The following NT5DC3 variants were observed in gnomAD, a reference collection of about 807,000 sequenced individuals.
NT5DC3 encodes 5'-nucleotidase domain-containing protein 3.
A neutral mutation model predicts 67.8 loss-of-function variants in NT5DC3; 42 were observed. That is an observed-to-expected ratio of 0.62 (90% confidence interval 0.48 to 0.80). The LOEUF (loss-of-function observed/expected upper bound fraction) is 0.80. Among genes scored for constraint, NT5DC3 ranks in the 30% least tolerant of loss-of-function variants. The pLI is 0.00. For missense variants in NT5DC3, 570 were observed against 696.4 expected, an observed-to-expected ratio of 0.82 and a Z score of 2.04; for synonymous variants, 237 against 255.6, an observed-to-expected ratio of 0.93 and a Z score of 0.69.
chr12:103,788,144 A>G (rs1034564125), intron 10 of NT5DC3, among the ~76,000 whole-genome samples: 2 of 152,216 alleles, frequency 1.3e-5, no homozygotes, highest in African/African-American at 4.8e-5. Context: ...ACCAAAATAT[A>G]TTAGAACTGT....
At chr12:103,830,287 T>C (rs1482167444) in intron 1 of NT5DC3, among the ~76,000 whole-genome samples, 1 of 152,238 alleles carries the variant, frequency 6.6e-6, no homozygotes, top group African/African-American at 2.4e-5. Flanking sequence ...CCATGGTCTA[T>C]ACTATTAACT....
the NT5DC3 span, chr12:103,763,525 A>G: frequency 6.2e-7 from 1 of 1,614,114 alleles, no homozygotes; most frequent in South Asian, 1.1e-5. Context: ...AGCTCTTGGC[A>G]AGCAGCAGCC....
At chr12:103,831,263 A>T (rs1353541956) in intron 1 of NT5DC3, among the ~76,000 whole-genome samples, 1 of 151,974 alleles carries the variant, frequency 6.6e-6, no homozygotes, top group Non-Finnish European at 1.5e-5. Flanking sequence ...CCCTGCTGGC[A>T]CTCATTCTCT....
In NT5DC3 at chr12:103,787,431, G is replaced by C; in HGVS notation, c.1188+10C>G. 1 of 1,484,770 alleles carries C rather than the reference G, an allele frequency of 6.7e-7. No individual in the cohort carries two copies. The allele number at this position is 1,484,770 out of a possible 1,614,324, so 92.0% of individuals were successfully genotyped here. ...TCTGTCCCCCAACAAAGGAAAAAAG[G>C]GCCCCTCACCGCCAGGTCACTGTAT... On this transcript the variant is annotated intron_variant, in intron 11 of 13. Coordinates refer to ENST00000392876, the MANE Select transcript of NT5DC3 (RefSeq NM_001031701.3).
rs200132175 is a variant in NT5DC3, at chr12:103,832,617, G to A, written c.208+8332C>T. 5.3e-4 allele frequency among the ~76,000 whole-genome samples: 81 copies of A among 152,138 alleles called. No individual in the cohort carries two copies. The East Asian group carries it at 0.013, about 25-fold the overall frequency. On this transcript the variant is annotated intron_variant, in intron 1 of 13. Coordinates refer to ENST00000392876, the MANE Select transcript of NT5DC3 (RefSeq NM_001031701.3). ...TCTAGCTTTCAACTGGTAGATCAGC[G>A]AGCCACCTCCACGGCAATTACAGAA...
chr12:103,753,824 G>A, the NT5DC3 span, among the ~76,000 whole-genome samples: 17 of 152,220 alleles, frequency 1.1e-4, no homozygotes, highest in African/African-American at 3.6e-4. Context: ...ACGAGCCTAG[G>A]GTGGATCTCC....
In NT5DC3 at chr12:103,841,186, G is replaced by T. The variant is rs1021341608; in HGVS notation, c.-30C>A. ...GCTGCCTGCTGCCGCCACCGCCGCC[G>T]CGCCGCTCTGCGACTGCTGCTGCCC... On this transcript the variant is annotated 5_prime_UTR_variant, in exon 1 of 14. Transcript: ENST00000392876. The T allele has an allele frequency of 6.7e-6, 4 of 601,488 alleles. No individual in the cohort carries two copies. In the African/African-American group the frequency reaches 8.0e-5, roughly 12 times the overall value. The allele number at this position is 601,488 out of a possible 1,614,324, so 37.3% of individuals were successfully genotyped here.
chr12:103,747,849 G>A, the NT5DC3 span, among the ~76,000 whole-genome samples: 1 of 152,004 alleles, frequency 6.6e-6, no homozygotes, highest in African/African-American at 2.4e-5. Context: ...ACAAAAATTA[G>A]CCGGGCATGG....
Position 103,772,713 on chromosome 12 carries a change from GCC to G in NT5DC3, c.*5114_*5115del, listed in dbSNP as rs1188929987. 3 of 152,350 alleles carry G rather than the reference GCC, an allele frequency of 2.0e-5. No individual in the cohort carries two copies. The highest frequency in any genetic ancestry group is 4.4e-5 in the Non-Finnish European group (3 of 68,146). 9.4% of individuals were successfully genotyped at this position (152,350 alleles called of 1,614,324 possible). Reference sequence around the variant, plus strand: ...CACAAGGGGCTCTGGAGCTGGGATGGCCCCAGAGGGTTTCCCAAGTTGGGGTG... The same window carrying G: ...CACAAGGGGCTCTGGAGCTGGGATGGCCAGAGGGTTTCCCAAGTTGGGGTG... On this transcript the variant is annotated 3_prime_UTR_variant, in exon 14 of 14. Coordinates refer to ENST00000392876, the MANE Select transcript of NT5DC3 (RefSeq NM_001031701.3).
the NT5DC3 span, among the ~76,000 whole-genome samples, chr12:103,757,427 A>C: frequency 1.3e-5 from 2 of 152,228 alleles, no homozygotes; most frequent in Admixed American, 1.3e-4. Flanking sequence ...TGCTTGAGAT[A>C]TATCAGTGAA....
chr12:103,755,383 G>T, the NT5DC3 span: 1 of 1,614,148 alleles, frequency 6.2e-7, no homozygotes. Context: ...CCAGAACTGT[G>T]GCTCTGGTGT....
chr12:103,802,049 G>C (rs1886610156), intron 4 of NT5DC3: 1 of 152,120 alleles, frequency 6.6e-6, no homozygotes, highest in Non-Finnish European at 1.5e-5. Context: ...AGTGACTCGA[G>C]TCCACACACT....
At chr12:103,763,899 A>G in the NT5DC3 span, 1 of 263,492 alleles carries the variant, frequency 3.8e-6, no homozygotes, top group Non-Finnish European at 7.1e-6. Context: ...CCACAGTGAA[A>G]AAAAGTCTTG....
chr12:103,764,178 C>G, the NT5DC3 span, among the ~76,000 whole-genome samples: 1 of 152,080 alleles, frequency 6.6e-6, no homozygotes, highest in African/African-American at 2.4e-5. Context: ...GTCTCGAACT[C>G]CCAACCTCAG....
chr12:103,806,311 C>G lies in NT5DC3; in HGVS notation c.524+11G>C, dbSNP rs1446820276. 6.3e-6 allele frequency: 10 copies of G among 1,575,780 alleles called. No homozygotes were observed. Among genetic ancestry groups the G allele is most frequent in the African/African-American group, 1.3e-5 (1 of 74,122 alleles). On this transcript the variant is annotated intron_variant, in intron 4 of 13. Transcript: ENST00000392876. ...TTCACGTAAATTAAATGTATCTCCT[C>G]TTACTCTTACCTGTAGACAGTTCCC... is the stretch of plus-strand genomic sequence containing the variant.
chr12:103,799,037 C>A (rs1886445570), intron 4 of NT5DC3, among the ~76,000 whole-genome samples: 1 of 152,138 alleles, frequency 6.6e-6, no homozygotes, highest in African/African-American at 2.4e-5. Flanking sequence ...GGTCATGTAC[C>A]TGTTCAAGCA....
At chr12:103,804,116 T>C (rs558046083) in intron 4 of NT5DC3, among the ~76,000 whole-genome samples, 17 of 152,270 alleles carry the variant, frequency 1.1e-4, no homozygotes, top group African/African-American at 3.6e-4. Flanking sequence ...GCCTGTCCCA[T>C]AGCAAGACTC....
the NT5DC3 span, chr12:103,763,331 G>C: frequency 1.5e-6 from 1 of 649,568 alleles, no homozygotes; most frequent in Middle Eastern, 4.4e-4. Context: ...TGAATCTAAA[G>C]GTTGGTAAAT....
At chr12:103,823,270 T>C (rs1316972334) in intron 1 of NT5DC3, among the ~76,000 whole-genome samples, 2 of 150,872 alleles carry the variant, frequency 1.3e-5, no homozygotes, top group Admixed American at 1.3e-4. Flanking sequence ...CTACCCTCCA[T>C]GTACCACGAG....
Sources: gnomAD v4.1 joint callset for allele counts (sites outside exome capture counted in the v4.1 genomes callset) on GRCh38, gnomAD v4.1.1 for gene constraint, MANE v1.5 for transcripts, NCBI Gene and HGNC (gene_info 2026-07-23, HGNC 2026-07-21) for gene names.